The following OPA1 variants were observed in gnomAD, a reference collection of about 807,000 sequenced individuals.
The protein encoded by OPA1 is OPA1 mitochondrial dynamin like GTPase.
Under a neutral mutation model 152.9 loss-of-function variants are expected in OPA1, and 59 were observed. The ratio of observed to expected loss-of-function variants is 0.39; its 90% CI spans 0.31 to 0.48. OPA1 has a LOEUF of 0.48. Ranked by LOEUF, OPA1 falls within the 20% of genes least tolerant of loss-of-function variation. The pLI is 0.96. For synonymous variants in OPA1, 400 were observed against 389.9 expected (o/e 1.03, Z -0.31); for missense variants, 1,008 against 1,216.8 (o/e 0.83, Z 2.55).
chr3:193,662,579 C>G (rs1715539667), intron 25 of OPA1, among the ~76,000 whole-genome samples: 2 of 152,118 alleles, frequency 1.3e-5, no homozygotes, highest in South Asian at 2.1e-4. Flanking sequence ...AAATACATAA[C>G]AAGTAGGGCT....
intron 26 of OPA1, among the ~76,000 whole-genome samples, chr3:193,663,502 G>C (rs762768924): frequency 1.3e-5 from 2 of 152,038 alleles, no homozygotes; most frequent in African/African-American, 4.8e-5. Flanking sequence ...TTACCTTCAT[G>C]ATGCTTTTTT....
intron 1 of OPA1, among the ~76,000 whole-genome samples, chr3:193,594,268 T>C (rs1173481355): frequency 6.6e-6 from 1 of 152,208 alleles, no homozygotes; most frequent in Admixed American, 6.5e-5. Flanking sequence ...TCAAGCAAAA[T>C]TGGAAAAACG....
At chr3:193,639,762 A>T (rs1051857359) in intron 11 of OPA1, among the ~76,000 whole-genome samples, 4 of 152,264 alleles carry the variant, frequency 2.6e-5, no homozygotes, top group African/African-American at 9.6e-5. Context: ...TGTAGCCAAG[A>T]TGTAGAACCA....
rs1722118727 is a variant in OPA1 at position 193,694,864 on chromosome 3, C to T, written c.*264C>T. On this transcript the variant is annotated 3_prime_UTR_variant, in exon 31 of 31. Coordinates refer to ENST00000361510, the MANE Select transcript of OPA1 (RefSeq NM_130837.3). ...ATATAATTGGTATGGCCATTAGGTT[C>T]AGTCCTTGAAGATAAGAAACTTGTT... 6.6e-6 allele frequency: 1 copy of T among 152,284 alleles called. No homozygotes were observed. Among genetic ancestry groups the T allele is most frequent in the South Asian group, 2.1e-4 (1 of 4,822 alleles). The allele number at this position is 152,284 out of a possible 1,614,324, so 9.4% of individuals were successfully genotyped here.
At chr3:193,655,559 T>C (rs1315623260) in intron 22 of OPA1, among the ~76,000 whole-genome samples, 1 of 152,232 alleles carries the variant, frequency 6.6e-6, no homozygotes, top group East Asian at 1.9e-4. Flanking sequence ...GCTTTATCAC[T>C]TAATAGCTGT....
At chr3:193,607,474 T>C (rs1727468899) in intron 1 of OPA1, among the ~76,000 whole-genome samples, 1 of 152,248 alleles carries the variant, frequency 6.6e-6, no homozygotes, top group African/African-American at 2.4e-5. Context: ...GTTTCAGCTT[T>C]CTACATATGG....
chr3:193,615,153 G>A (rs1468219989), intron 2 of OPA1, 112 bp downstream of exon 2: 4 of 859,318 alleles, frequency 4.7e-6, no homozygotes, highest in African/African-American at 1.7e-5. Flanking sequence ...CATTTATTTT[G>A]TGTCTCTACC....
intron 29 of OPA1, among the ~76,000 whole-genome samples, chr3:193,686,713 A>G (rs1463445036): frequency 6.6e-6 from 1 of 152,208 alleles, no homozygotes; most frequent in Non-Finnish European, 1.5e-5. Flanking sequence ...CATGAACAAT[A>G]TATATTACAT....
In OPA1 at chr3:193,596,294, A is replaced by ACTTTT. The variant is rs776639249; in HGVS notation, c.32+2897_32+2901dup. Among the ~76,000 whole-genome samples the ACTTTT allele has an allele frequency of 4.0e-3, 361 of 90,768 alleles. 4 individuals carry two copies. The highest frequency in any genetic ancestry group is 0.019 in the Admixed American group (150 of 7,854). The allele number at this position is 90,768 out of a possible 152,430, so 59.5% of individuals were successfully genotyped here. ...GATTTTTTTAATATTGGCCATCGCA[A>ACTTTT]CTTTTCTTTTCTTTTCCTTTCCTTT... On this transcript the variant is annotated intron_variant, in intron 1 of 30. Transcript: ENST00000361510.
chr3:193,663,313 A>G (rs1715737604), intron 26 of OPA1, among the ~76,000 whole-genome samples: 2 of 152,142 alleles, frequency 1.3e-5, no homozygotes, highest in African/African-American at 4.8e-5. Flanking sequence ...AAAATGGCAT[A>G]TATATGTGTT....
rs140031261 is a variant in OPA1, at chr3:193,688,916, G to T, written c.2984-3147G>T. Among the ~76,000 whole-genome samples, 677 of 152,270 alleles carry T rather than the reference G, an allele frequency of 4.4e-3. 3 individuals are homozygous for T. Among genetic ancestry groups the T allele is most frequent in the African/African-American group, 0.016 (648 of 41,550 alleles). On this transcript the variant is annotated intron_variant, in intron 29 of 30. Coordinates refer to ENST00000361510, the MANE Select transcript of OPA1 (RefSeq NM_130837.3). The stretch of plus-strand genomic sequence containing the variant: ...TAGGAGAATCGCTTGAGCCTGGGAG[G>T]TCGAGGCTGTAGTGAGCCGTGTTTG...
At chr3:193,638,702 A>T (rs1733305604) in intron 11 of OPA1, among the ~76,000 whole-genome samples, 1 of 152,242 alleles carries the variant, frequency 6.6e-6, no homozygotes, top group African/African-American at 2.4e-5. Flanking sequence ...TTTGAGAATG[A>T]TGTAAACATC....
intron 11 of OPA1, among the ~76,000 whole-genome samples, chr3:193,639,221 C>T (rs1387274834): frequency 6.6e-6 from 1 of 152,108 alleles, no homozygotes; most frequent in Non-Finnish European, 1.5e-5. Context: ...TGTTGGTAAA[C>T]AGCAACAACA....
chr3:193,610,348 A>G (rs281802), intron 1 of OPA1, among the ~76,000 whole-genome samples: 107,614 of 152,116 alleles, frequency 0.71, 38,413 homozygotes, highest in South Asian at 0.82. Context: ...CTGCAGAACA[A>G]CGAATATTGG....
chr3:193,650,297 A>G (rs1403517700), intron 21 of OPA1, among the ~76,000 whole-genome samples: 2 of 152,204 alleles, frequency 1.3e-5, no homozygotes, highest in Non-Finnish European at 2.9e-5. Flanking sequence ...TTACTTGTGT[A>G]AGCTGCCGGA....
intron 15 of OPA1, 39 bp downstream of exon 15, chr3:193,643,666 T>G: frequency 6.6e-7 from 1 of 1,523,762 alleles, no homozygotes; most frequent in Non-Finnish European, 9.1e-7. Flanking sequence ...CTGATATGTT[T>G]TCTTCTTTAG....
intron 21 of OPA1, among the ~76,000 whole-genome samples, chr3:193,650,557 C>G (rs1000491717): frequency 1.3e-5 from 2 of 152,066 alleles, no homozygotes; most frequent in African/African-American, 2.4e-5. Context: ...AAAATGTTTA[C>G]AATTATTTAA....
rs1355004364 is a variant in OPA1 at position 193,614,918 on chromosome 3, T to C, written c.228T>C (p.Ser76=). The C allele has an allele frequency of 3.7e-6, 6 of 1,613,912 alleles. No individual in the cohort carries two copies. Among genetic ancestry groups the C allele is most frequent in the Non-Finnish European group, 5.1e-6 (6 of 1,179,842 alleles). ...TNLPLRKLKF[S]PIKYGYQPRR... is the part of the protein sequence containing the mutation. Reference sequence around the variant, plus strand: ...TTCCTTTACGTAAACTGAAATTCTCTCCAATTAAATATGGCTACCAGCCTC... The same window carrying C: ...TTCCTTTACGTAAACTGAAATTCTCCCCAATTAAATATGGCTACCAGCCTC... The change falls in exon 2 of 31, where the codon TCT becomes TCC. Residue 76 remains serine, a synonymous_variant. Coordinates refer to ENST00000361510, the MANE Select transcript of OPA1 (RefSeq NM_130837.3).
intron 11 of OPA1, among the ~76,000 whole-genome samples, chr3:193,640,272 A>T (rs540451465): frequency 2.0e-5 from 3 of 152,336 alleles, no homozygotes; most frequent in Non-Finnish European, 2.9e-5. Flanking sequence ...GAACATTAAG[A>T]TGTTGAGGGA....
Sources: gnomAD v4.1 joint callset for allele counts (sites outside exome capture counted in the v4.1 genomes callset) on GRCh38, gnomAD v4.1.1 for gene constraint, MANE v1.5 for transcripts, NCBI Gene and HGNC (gene_info 2026-07-23, HGNC 2026-07-21) for gene names.